The following SPTLC3 variants were observed in gnomAD, a reference collection of about 807,000 sequenced individuals.
The protein encoded by SPTLC3 is serine palmitoyltransferase long chain base subunit 3, also known as serine palmitoyltransferase 3.
In SPTLC3, 36 loss-of-function variants were observed where a neutral mutation model predicts 59.3. The ratio of observed to expected loss-of-function variants is 0.61; its 90% CI spans 0.47 to 0.80. The LOEUF is 0.80. Ranked by LOEUF, SPTLC3 falls within the 30% of genes least tolerant of loss-of-function variation. The pLI, the probability that SPTLC3 is intolerant of heterozygous loss-of-function variation, is 0.00. For synonymous variants in SPTLC3, 257 were observed against 240.8 expected, an observed-to-expected ratio of 1.07 and a Z score of -0.62; for missense variants, 625 against 685.1, an observed-to-expected ratio of 0.91 and a Z score of 0.98.
intron 5 of SPTLC3, among the ~76,000 whole-genome samples, chr20:13,091,517 G>A (rs1282932636): frequency 6.6e-6 from 1 of 151,356 alleles, no homozygotes; most frequent in African/African-American, 2.4e-5. Flanking sequence ...AGGTTGCAAT[G>A]AGCCGAGATC....
intron 1 of SPTLC3, among the ~76,000 whole-genome samples, chr20:13,038,468 A>G (rs1360856422): frequency 6.6e-6 from 1 of 152,108 alleles, no homozygotes; most frequent in Non-Finnish European, 1.5e-5. Flanking sequence ...ATGTTGACAT[A>G]TAATTATTCA....
At chr20:13,156,067 C>T (rs8113896) in intron 10 of SPTLC3, among the ~76,000 whole-genome samples, 5,840 of 152,228 alleles carry the variant, frequency 0.038, 161 homozygotes, top group African/African-American at 0.08. Context: ...CATACAAACA[C>T]ACACACACAC....
chr20:13,103,192 T>C (rs956327795), intron 6 of SPTLC3, among the ~76,000 whole-genome samples: 1 of 152,184 alleles, frequency 6.6e-6, no homozygotes, highest in Non-Finnish European at 1.5e-5. Flanking sequence ...ACCCCATAAA[T>C]GTGACTTTCA....
At chr20:13,078,316 ATAAT>A (rs1196170773) in intron 4 of SPTLC3, among the ~76,000 whole-genome samples, 2 of 150,928 alleles carry the variant, frequency 1.3e-5, no homozygotes, top group Non-Finnish European at 1.5e-5. Flanking sequence ...AGGGATCAAA[ATAAT>A]AGTTCAATAA....
At chr20:13,112,997 A>C (rs889002750) in intron 7 of SPTLC3, among the ~76,000 whole-genome samples, 29 of 152,322 alleles carry the variant, frequency 1.9e-4, no homozygotes, top group African/African-American at 6.7e-4. Context: ...AGCCTAGCCA[A>C]CAGGGTGAAA....
At chr20:13,038,270 A>G (rs1232049873) in intron 1 of SPTLC3, among the ~76,000 whole-genome samples, 2 of 152,068 alleles carry the variant, frequency 1.3e-5, no homozygotes, top group Non-Finnish European at 2.9e-5. Flanking sequence ...ATAGGCATTA[A>G]TTCTTTAAAT....
In SPTLC3 at chr20:13,148,890, C is replaced by T. The variant is rs1347382920; in HGVS notation, c.1280-5113C>T. ...CAGAAAATGGCAATTCCCCTTTCAA[C>T]GACCTACTAAATGCCAGATGCAGTA... On this transcript the variant is annotated intron_variant, in intron 9 of 11. Coordinates refer to ENST00000399002, the MANE Select transcript of SPTLC3 (RefSeq NM_018327.4). 7.9e-5 allele frequency among the ~76,000 whole-genome samples: 12 copies of T among 152,326 alleles called. 1 individual carries two copies. In the South Asian group the frequency reaches 8.3e-4, roughly 11 times the overall value.
At chr20:13,139,329 T>A (rs915599456) in intron 9 of SPTLC3, among the ~76,000 whole-genome samples, 1 of 152,212 alleles carries the variant, frequency 6.6e-6, no homozygotes, top group Non-Finnish European at 1.5e-5. Flanking sequence ...TGGTATTAGT[T>A]AAGTTATGTT....
rs1329170685 is a variant in SPTLC3 at position 13,168,306 on chromosome 20, C to A, written c.*3439C>A. 6.6e-6 allele frequency: 1 copy of A among 152,138 alleles called. No individual in the cohort carries two copies. The highest frequency in any genetic ancestry group is 1.5e-5 in the Non-Finnish European group (1 of 68,200). 9.4% of individuals were successfully genotyped at this position (152,138 alleles called of 1,614,324 possible). On this transcript the variant is annotated 3_prime_UTR_variant, in exon 12 of 12. Coordinates refer to ENST00000399002, the MANE Select transcript of SPTLC3 (RefSeq NM_018327.4). ...TCAAGCGATTCTCCTGCCTCAGCCT[C>A]CTGAGGAGCTGAGTTTACAGGCATG...
At chr20:13,164,060 C>A (rs559708210) in intron 11 of SPTLC3, among the ~76,000 whole-genome samples, 1 of 152,106 alleles carries the variant, frequency 6.6e-6, no homozygotes, top group Non-Finnish European at 1.5e-5. Context: ...CCCACTCCCC[C>A]CATCCCACAA....
At chr20:13,018,875 C>A (rs149867238) in intron 1 of SPTLC3, among the ~76,000 whole-genome samples, 2 of 152,094 alleles carry the variant, frequency 1.3e-5, no homozygotes. Context: ...TATAAATTTA[C>A]GACAGAAAGA....
At chr20:13,150,426 A>ATTTAGAAT (rs2038616300) in intron 9 of SPTLC3, among the ~76,000 whole-genome samples, 1 of 152,176 alleles carries the variant, frequency 6.6e-6, no homozygotes, top group Non-Finnish European at 1.5e-5. Flanking sequence ...CACATTGCAG[A>ATTTAGAAT]TTTAGAATTG....
chr20:13,109,565 T>A (rs1372107978), intron 6 of SPTLC3, among the ~76,000 whole-genome samples: 1 of 152,238 alleles, frequency 6.6e-6, no homozygotes, highest in Non-Finnish European at 1.5e-5. Context: ...CTGTGAGCTA[T>A]TATTGTGTTC....
At chr20:13,158,116 CT>C (rs1244722275) in intron 10 of SPTLC3, among the ~76,000 whole-genome samples, 1 of 152,080 alleles carries the variant, frequency 6.6e-6, no homozygotes, top group Non-Finnish European at 1.5e-5. Flanking sequence ...ATTTTTTCCC[CT>C]GTTCATGTAA....
At chr20:13,074,053 T>G (rs907168304) in intron 3 of SPTLC3, 10 of 644,480 alleles carry the variant, frequency 1.6e-5, no homozygotes, top group Admixed American at 5.5e-5. Context: ...AGGTCCAAGT[T>G]GGAGGCCTGC....
intron 2 of SPTLC3, among the ~76,000 whole-genome samples, chr20:13,071,522 T>C (rs933904961): frequency 6.6e-6 from 1 of 152,200 alleles, no homozygotes; most frequent in Non-Finnish European, 1.5e-5. Flanking sequence ...TATTTTCACA[T>C]TGAAAATCAG....
intron 1 of SPTLC3, among the ~76,000 whole-genome samples, chr20:13,011,014 G>A (rs1048138589): frequency 5.9e-5 from 9 of 152,148 alleles, no homozygotes; most frequent in African/African-American, 1.4e-4. Flanking sequence ...CAGGGCTGCT[G>A]TTGCCTTCCT....
intron 9 of SPTLC3, among the ~76,000 whole-genome samples, chr20:13,150,651 T>C (rs368069690): frequency 1.3e-5 from 2 of 152,176 alleles, no homozygotes; most frequent in African/African-American, 4.8e-5. Flanking sequence ...CTACTCCTAC[T>C]CCTTCCAATC....
At chr20:13,126,501 T>C in intron 8 of SPTLC3, 90 bp from the exon 9 acceptor site, 1 of 1,453,822 alleles carries the variant, frequency 6.9e-7, no homozygotes, top group East Asian at 2.4e-5. Flanking sequence ...TGTCTTTTGC[T>C]ATGAGGATAG....
Sources: gnomAD v4.1 joint callset for allele counts (sites outside exome capture counted in the v4.1 genomes callset) on GRCh38, gnomAD v4.1.1 for gene constraint, MANE v1.5 for transcripts, NCBI Gene and HGNC (gene_info 2026-07-23, HGNC 2026-07-21) for gene names.